The following KLHDC10 variants were observed in gnomAD, a reference collection of about 807,000 sequenced individuals.
KLHDC10 encodes kelch domain-containing protein 10.
In KLHDC10, 24 loss-of-function variants were observed where a neutral mutation model predicts 56.1. The observed-to-expected ratio is 0.43, with a 90% CI of 0.31 to 0.60. The LOEUF is 0.60. Ranked by LOEUF, KLHDC10 falls within the 20% of genes least tolerant of loss-of-function variation. KLHDC10 has a pLI of 0.11. For missense variants in KLHDC10, 349 were observed against 567.0 expected (o/e 0.62, Z 3.91); for synonymous variants, 188 against 207.1 (o/e 0.91, Z 0.79).
At chr7:130,127,795 C>T (rs971043380) in intron 8 of KLHDC10, among the ~76,000 whole-genome samples, 16 of 152,160 alleles carry the variant, frequency 1.1e-4, no homozygotes, top group African/African-American at 1.4e-4. Flanking sequence ...GAGACCTCAG[C>T]GAACATTGTA....
In KLHDC10 at chr7:130,122,077, C is replaced by T. The variant is rs1430327597; in HGVS notation, c.654C>T (p.Ser218=). 3.7e-6 allele frequency: 6 copies of T among 1,613,552 alleles called. 1 individual carries two copies. The Admixed American group carries it at 6.7e-5, about 18-fold the overall frequency. The change falls in exon 5 of 10, where the codon TCC becomes TCT. Residue 218 remains serine, a synonymous_variant. Coordinates refer to ENST00000335420, the MANE Select transcript of KLHDC10 (RefSeq NM_014997.4). The part of the protein sequence containing the change: ...YGQAMAIING[S]LYVFGGTTGY... ...AGGCTATGGCCATCATCAATGGCTCCCTTTATGTCTTTGGAGGTACAACCG... is the reference window on the plus strand; with the variant it reads ...AGGCTATGGCCATCATCAATGGCTCTCTTTATGTCTTTGGAGGTACAACCG...
At chr7:130,128,457 A>T (rs575698500) in intron 8 of KLHDC10, among the ~76,000 whole-genome samples, 1 of 152,326 alleles carries the variant, frequency 6.6e-6, no homozygotes, top group Non-Finnish European at 1.5e-5. Context: ...TGATTTTACC[A>T]GAAAACCCAC....
At chr7:130,085,650 C>T (rs1266516557) in intron 1 of KLHDC10, among the ~76,000 whole-genome samples, 1 of 151,468 alleles carries the variant, frequency 6.6e-6, no homozygotes, top group African/African-American at 2.4e-5. Flanking sequence ...GCCTGGTCAA[C>T]ATGGCAAAAC....
rs182217826 is a variant in KLHDC10 at position 130,082,297 on chromosome 7, C to T, written c.166+11488C>T. On this transcript the variant is annotated intron_variant, in intron 1 of 9. Transcript: ENST00000335420. ...CGAGATCATGCCACTGCACTCTAGCCTGGGCAGCAGAGTGAGATGCTGCCT... is the reference window on the plus strand; with the variant it reads ...CGAGATCATGCCACTGCACTCTAGCTTGGGCAGCAGAGTGAGATGCTGCCT... 1.7e-4 allele frequency among the ~76,000 whole-genome samples: 26 copies of T among 152,316 alleles called. No individual in the cohort carries two copies. The East Asian group carries it at 4.6e-3, about 27-fold the overall frequency.
At chr7:130,084,457 G>A (rs1795653798) in intron 1 of KLHDC10, among the ~76,000 whole-genome samples, 1 of 152,142 alleles carries the variant, frequency 6.6e-6, no homozygotes, top group Non-Finnish European at 1.5e-5. Context: ...TATGAGGTGT[G>A]AAGGAGAGAG....
rs1796329257 is a variant in KLHDC10 at position 130,127,469 on chromosome 7, C to T, written c.979+18C>T. 6.3e-7 allele frequency: 1 copy of T among 1,574,832 alleles called. No individual in the cohort carries two copies. Among genetic ancestry groups the T allele is most frequent in the Admixed American group, 1.7e-5 (1 of 59,846 alleles). ...AAAAAATGGTAAGGATTCTAAATAA[C>T]ATTTTGCTTCCATTTCTGTAATTGT... On this transcript the variant is annotated intron_variant, in intron 8 of 9. Transcript: ENST00000335420.
In KLHDC10 at chr7:130,088,898, G is replaced by C. The variant is rs191499213; in HGVS notation, c.167-8023G>C. 3.6e-3 allele frequency among the ~76,000 whole-genome samples: 542 copies of C among 152,094 alleles called. 2 individuals are homozygous for C. Among genetic ancestry groups the C allele is most frequent in the Middle Eastern group, 0.01 (3 of 294 alleles). ...TCCACCTTCCTTAGCCTCCCAAAATGCTGGCATTACAGGCCTGAGCCATCG... is the reference window on the plus strand; with the variant it reads ...TCCACCTTCCTTAGCCTCCCAAAATCCTGGCATTACAGGCCTGAGCCATCG... On this transcript the variant is annotated intron_variant, in intron 1 of 9. Coordinates refer to ENST00000335420, the MANE Select transcript of KLHDC10 (RefSeq NM_014997.4).
chr7:130,106,222 A>G (rs113222857), intron 2 of KLHDC10, among the ~76,000 whole-genome samples: 3,159 of 152,294 alleles, frequency 0.021, 100 homozygotes, highest in African/African-American at 0.072. Flanking sequence ...ATATTTAACA[A>G]TAAAAGGAGT....
At chr7:130,124,897 A>G (rs1299589426) in intron 6 of KLHDC10, among the ~76,000 whole-genome samples, 1 of 152,206 alleles carries the variant, frequency 6.6e-6, no homozygotes, top group Non-Finnish European at 1.5e-5. Flanking sequence ...ATCTAAAAAG[A>G]ACAGGCTTGT....
intron 1 of KLHDC10, among the ~76,000 whole-genome samples, chr7:130,074,457 T>C (rs1321692162): frequency 2.6e-5 from 4 of 152,288 alleles, no homozygotes; most frequent in African/African-American, 9.6e-5. Flanking sequence ...TACACACATA[T>C]GCGTATATAT....
chr7:130,125,940 A>G lies in KLHDC10; in HGVS notation c.931+9A>G, dbSNP rs1218001634. 1.3e-6 allele frequency: 2 copies of G among 1,555,166 alleles called. No homozygotes were observed. Among genetic ancestry groups the G allele is most frequent in the Non-Finnish European group, 1.8e-6 (2 of 1,141,084 alleles). ...ACCCCATGAAAAAATAGGTAAATTT[A>G]AAGTATTGATTAATTTATCTTTAAC... is the stretch of plus-strand genomic sequence containing the variant. On this transcript the variant is annotated intron_variant, in intron 7 of 9. Transcript: ENST00000335420.
At chr7:130,093,612 T>G (rs975520248) in intron 1 of KLHDC10, among the ~76,000 whole-genome samples, 1 of 152,176 alleles carries the variant, frequency 6.6e-6, no homozygotes, top group African/African-American at 2.4e-5. Context: ...TGAATAAAAG[T>G]TCAGACCAGT....
chr7:130,076,591 T>G (rs1323436151), intron 1 of KLHDC10, among the ~76,000 whole-genome samples: 1 of 152,196 alleles, frequency 6.6e-6, no homozygotes, highest in Non-Finnish European at 1.5e-5. Flanking sequence ...TTCTGTAATT[T>G]TATTTTTAAG....
At chr7:130,077,015 T>C (rs749160133) in intron 1 of KLHDC10, among the ~76,000 whole-genome samples, 63 of 152,100 alleles carry the variant, frequency 4.1e-4, no homozygotes, top group Non-Finnish European at 3.5e-4. Flanking sequence ...TTGACATCGT[T>C]TTGAGGTTCA....
chr7:130,082,832 A>AT (rs1043190276), intron 1 of KLHDC10, among the ~76,000 whole-genome samples: 3 of 152,176 alleles, frequency 2.0e-5, no homozygotes, highest in Admixed American at 2.0e-4. Context: ...CTTCTCTAGA[A>AT]TTTGGTTTTA....
At chr7:130,118,219 T>A (rs1359202193) in intron 3 of KLHDC10, among the ~76,000 whole-genome samples, 2 of 152,342 alleles carry the variant, frequency 1.3e-5, no homozygotes, top group African/African-American at 4.8e-5. Context: ...TTGTTTAGTG[T>A]AGCCACTTAG....
chr7:130,129,880 T>C (rs1796372763), intron 9 of KLHDC10, among the ~76,000 whole-genome samples: 1 of 152,186 alleles, frequency 6.6e-6, no homozygotes, highest in Non-Finnish European at 1.5e-5. Context: ...TACCATATTA[T>C]TGAAGATCCT....
chr7:130,133,650 G>A lies in KLHDC10; in HGVS notation c.*2904G>A, dbSNP rs1212798185. On this transcript the variant is annotated 3_prime_UTR_variant, in exon 10 of 10. Coordinates refer to ENST00000335420, the MANE Select transcript of KLHDC10 (RefSeq NM_014997.4). ...GATTTTTTTTCTCCCTGTCATCTTT[G>A]TACTCTCTCATGTTTGCATGTCTTA... 1 of 150,836 alleles carries A rather than the reference G, an allele frequency of 6.6e-6. No homozygotes were observed. Among genetic ancestry groups the A allele is most frequent in the African/African-American group, 2.4e-5 (1 of 41,286 alleles). The allele number at this position is 150,836 out of a possible 1,614,324, so 9.3% of individuals were successfully genotyped here. A position where few individuals can be genotyped will look rare whatever the true frequency, so the allele number is the denominator to read the frequency against.
chr7:130,094,869 C>G (rs949764266), intron 1 of KLHDC10: 2 of 152,072 alleles, frequency 1.3e-5, no homozygotes, highest in African/African-American at 4.8e-5. Flanking sequence ...ATACATCTTT[C>G]CATGCATCTA....
Sources: gnomAD v4.1 joint callset for allele counts (sites outside exome capture counted in the v4.1 genomes callset) on GRCh38, gnomAD v4.1.1 for gene constraint, MANE v1.5 for transcripts, NCBI Gene and HGNC (gene_info 2026-07-23, HGNC 2026-07-21) for gene names.